Variants in UBQLN4 observed in about 807,000 individuals in gnomAD.
The protein encoded by UBQLN4 is ubiquilin-4.
In UBQLN4, 11 loss-of-function variants were observed where a neutral mutation model predicts 60.4. The ratio of observed to expected loss-of-function variants is 0.18; its 90% CI spans 0.11 to 0.30. The LOEUF is 0.30. Ranked by LOEUF, UBQLN4 falls within the 10% of genes least tolerant of loss-of-function variation. The probability of loss-of-function intolerance (pLI) is 1.00; values close to 1 mark genes in which losing one functional copy is unlikely to be tolerated. For synonymous variants in UBQLN4, 258 were observed against 313.1 expected, an observed-to-expected ratio of 0.82 and a Z score of 1.86; for missense variants, 417 against 795.5, an observed-to-expected ratio of 0.52 and a Z score of 5.72.
chr1:156,036,403 C>T lies in UBQLN4; in HGVS notation c.*575G>A, dbSNP rs1683405368. The T allele has an allele frequency of 2.0e-6, 2 of 985,648 alleles. No individual in the cohort carries two copies. The allele number at this position is 985,648 out of a possible 1,614,324, so 61.1% of individuals were successfully genotyped here. A position where few individuals can be genotyped will look rare whatever the true frequency, so the allele number is the denominator to read the frequency against. ...GGGAGAACAGGCATCTTCCTCCTTA[C>T]CCTGGAATTTCCAACAGTTCCCACC... On this transcript the variant is annotated 3_prime_UTR_variant, in exon 11 of 11. Transcript: ENST00000368309.
At chr1:156,045,769 C>T (rs1195779329) in intron 5 of UBQLN4, among the ~76,000 whole-genome samples, 1 of 152,160 alleles carries the variant, frequency 6.6e-6, no homozygotes, top group African/African-American at 2.4e-5. Context: ...TAAAACAAGT[C>T]CATACTTTCC....
chr1:156,046,210 G>A (rs1010187617), intron 5 of UBQLN4, among the ~76,000 whole-genome samples: 4 of 151,728 alleles, frequency 2.6e-5, no homozygotes, highest in Non-Finnish European at 5.9e-5. Context: ...GTTTTAGGCC[G>A]GGCACGGTGG....
downstream of UBQLN4, among the ~76,000 whole-genome samples, chr1:156,032,925 G>A (rs2102733923): frequency 6.6e-6 from 1 of 152,280 alleles, no homozygotes; most frequent in Non-Finnish European, 1.5e-5. Context: ...AAGACAAGGA[G>A]GACAAGGAGG....
chr1:156,043,943 G>A lies in UBQLN4; in HGVS notation c.1126+55C>T. 17 of 1,574,672 alleles carry A rather than the reference G, an allele frequency of 1.1e-5. No homozygotes were observed. In the South Asian group the frequency reaches 1.9e-4, roughly 18 times the overall value. The stretch of plus-strand genomic sequence containing the variant: ...GCAGTATGAACCCCATTCAGTCCTG[G>A]GACAGAGGGGCTGCCCTGGTGACCC... On this transcript the variant is annotated intron_variant, in intron 6 of 10. Transcript: ENST00000368309.
At chr1:156,042,394 G>A in intron 7 of UBQLN4, 158 bp from the exon 8 acceptor site, 1 of 1,425,970 alleles carries the variant, frequency 7.0e-7, no homozygotes, top group Non-Finnish European at 9.2e-7. Context: ...GGGACAGTGA[G>A]AGGAAATGGA....
At chr1:156,040,698 C>T (rs1011642709) in intron 10 of UBQLN4, among the ~76,000 whole-genome samples, 1 of 152,026 alleles carries the variant, frequency 6.6e-6, no homozygotes, top group African/African-American at 2.4e-5. Flanking sequence ...GTGATCCGCC[C>T]GCCTCAGCCT....
intron 9 of UBQLN4, 52 bp downstream of exon 9, chr1:156,041,820 G>A (rs1683574667): frequency 3.2e-6 from 5 of 1,542,762 alleles, no homozygotes; most frequent in Non-Finnish European, 2.6e-6. Context: ...GAGAAGAGTT[G>A]AAGGGGAGAA....
chr1:156,044,476 C>T (rs1031234677), intron 5 of UBQLN4, among the ~76,000 whole-genome samples: 6 of 152,148 alleles, frequency 3.9e-5, no homozygotes, highest in Non-Finnish European at 8.8e-5. Context: ...CCCATCCCCC[C>T]GGTGGCTTTC....
At chr1:156,045,816 T>C (rs1435444679) in intron 5 of UBQLN4, among the ~76,000 whole-genome samples, 1 of 152,214 alleles carries the variant, frequency 6.6e-6, no homozygotes, top group Non-Finnish European at 1.5e-5. Flanking sequence ...TAAAGTTATT[T>C]TTCAAAATAA....
At chr1:156,031,970 A>G (rs898977095), downstream of UBQLN4, among the ~76,000 whole-genome samples, 4 of 152,212 alleles carry the variant, frequency 2.6e-5, no homozygotes, top group African/African-American at 9.6e-5. Context: ...TAATAAACGT[A>G]TCCATCAAAT....
rs752078087 is a variant in UBQLN4, at chr1:156,036,960, G to C, written c.*18C>G. 2.5e-6 allele frequency: 4 copies of C among 1,610,902 alleles called. No homozygotes were observed. Among genetic ancestry groups the C allele is most frequent in the East Asian group, 4.5e-5 (2 of 44,868 alleles). ...TGACATCGAGGGAGGGGAGAGGCAGGAGGCATGGGCCGAGGGATTAGGAGA... is the reference window on the plus strand; with the variant it reads ...TGACATCGAGGGAGGGGAGAGGCAGCAGGCATGGGCCGAGGGATTAGGAGA... On this transcript the variant is annotated 3_prime_UTR_variant, in exon 11 of 11. Transcript: ENST00000368309.
chr1:156,052,485 C>A (rs926152273), intron 1 of UBQLN4, among the ~76,000 whole-genome samples: 3 of 152,140 alleles, frequency 2.0e-5, no homozygotes, highest in Admixed American at 6.5e-5. Context: ...CACCACCATG[C>A]CTGGCTAATT....
Position 156,051,174 on chromosome 1 carries a change from G to C in UBQLN4, c.414C>G (p.Ser138Arg). The C allele has an allele frequency of 6.2e-7, 1 of 1,611,580 alleles. No individual in the cohort carries two copies. Among genetic ancestry groups the C allele is most frequent in the Non-Finnish European group, 8.5e-7 (1 of 1,178,870 alleles). The part of the protein sequence containing the change: ...SSDAGSGSRR[S>R]SGGGPSPGAG... ...CCCCCGGAGAGGGCCCCCCACCACT[G>C]CTCCTCCGGCTTCCACTGCCAGCAT... The change falls in exon 3 of 11, where the codon AGC (serine) becomes AGG (arginine). Residue 138 changes from serine (S) to arginine (R), a missense_variant. Coordinates refer to ENST00000368309, the MANE Select transcript of UBQLN4 (RefSeq NM_020131.5).
chr1:156,034,825 CTATATATATATATATATATATA>C (rs34720108), downstream of UBQLN4, among the ~76,000 whole-genome samples: 78 of 46,386 alleles, frequency 1.7e-3, 3 homozygotes, highest in Middle Eastern at 0.025. Flanking sequence ...CCTTAACCTT[CTATATATATATATATATATATA>C]TATATATATA....
Position 156,050,940 on chromosome 1 carries a change from T to A in UBQLN4, c.478+170A>T, listed in dbSNP as rs769534848. On this transcript the variant is annotated intron_variant, in intron 3 of 10. Transcript: ENST00000368309. This position sits in a 1 kb window ranked among gnomAD's most constrained non-coding sequence, Gnocchi z 4.6. ...CATGGTCCCCACCTCTGAGAACTCC[T>A]CAGACTAGTTTCTTCCCCAGCTTGA... is the stretch of plus-strand genomic sequence containing the variant. 1.2e-4 allele frequency among the ~76,000 whole-genome samples: 18 copies of A among 151,708 alleles called. No individual in the cohort carries two copies. The highest frequency in any genetic ancestry group is 2.5e-4 in the Non-Finnish European group (17 of 67,958).
rs1683634455 is a variant in UBQLN4, at chr1:156,044,011, A to G, written c.1113T>C (p.Ala371=). ...TVSNPFGINA[A]SLGSGMFNSP... is the part of the protein sequence containing the mutation. ...CCTAGGACATACCTGACCCCAGGCT[A>G]GCCGCATTGATCCCAAAGGGGTTCG... The change falls in exon 6 of 11, where the codon GCT becomes GCC. Residue 371 remains alanine, a synonymous_variant. Transcript: ENST00000368309. 2.5e-6 allele frequency: 4 copies of G among 1,613,516 alleles called. No individual in the cohort carries two copies. The East Asian group carries it at 8.9e-5, about 36-fold the overall frequency.
At chr1:156,051,022 G>C (rs879081677) in intron 3 of UBQLN4, 88 bp downstream of exon 3, 1 of 1,314,580 alleles carries the variant, frequency 7.6e-7, no homozygotes. Flanking sequence ...ATCAGACCAG[G>C]AGCAGGAACT....
intron 10 of UBQLN4, among the ~76,000 whole-genome samples, chr1:156,039,892 C>T (rs564704441): frequency 4.0e-5 from 5 of 124,322 alleles, no homozygotes; most frequent in African/African-American, 8.9e-5. Context: ...AGCTGAGATC[C>T]GGCCACTGCA....
At chr1:156,051,054 C>T (rs567807836) in intron 3 of UBQLN4, 56 bp downstream of exon 3, 29 of 1,556,524 alleles carry the variant, frequency 1.9e-5, no homozygotes, top group Non-Finnish European at 2.4e-5. Flanking sequence ...CTCCTCTTGG[C>T]TTTCCCCAAC....
Sources: allele counts gnomAD v4.1 joint callset (sites outside exome capture counted in the v4.1 genomes callset), GRCh38; gene constraint gnomAD v4.1.1; non-coding constraint Gnocchi (gnomAD v3.1); transcripts MANE v1.5; gene names NCBI Gene and HGNC (gene_info 2026-07-23, HGNC 2026-07-21).